The following ADAT1 variants were observed in gnomAD, a reference collection of about 807,000 sequenced individuals.
ADAT1 encodes adenosine deaminase tRNA specific 1.
Under a neutral mutation model 58.6 loss-of-function variants are expected in ADAT1, and 58 were observed. That is an observed-to-expected ratio of 0.99 (90% CI 0.80 to 1.23). The LOEUF (loss-of-function observed/expected upper bound fraction) is 1.23, where lower values mean the gene tolerates loss of function less well. Ranked by LOEUF, ADAT1 falls within the 50% of genes most tolerant of loss-of-function variation. The probability of loss-of-function intolerance (pLI) is 0.00; values close to 1 mark genes in which losing one functional copy is unlikely to be tolerated. For synonymous variants in ADAT1, 254 were observed against 220.8 expected (o/e 1.15, Z -1.33); for missense variants, 741 against 608.6 (o/e 1.22, Z -2.29).
Position 75,620,345 on chromosome 16 carries a change from AAAAC to A in ADAT1, c.170-15_170-12del. On this transcript the variant is annotated splice_polypyrimidine_tract_variant and intron_variant, in intron 2 of 9. Transcript: ENST00000564657. Reference sequence around the variant, plus strand: ...CAACTTCCTTTGTCACTGTGGGAAAAAAACAAATCGTGTGAGTTCTGAGAAACGG... The same window carrying A: ...CAACTTCCTTTGTCACTGTGGGAAAAAAATCGTGTGAGTTCTGAGAAACGG... 1.2e-6 allele frequency: 2 copies of A among 1,613,938 alleles called. No individual in the cohort carries two copies. The highest frequency in any genetic ancestry group is 1.7e-6 in the Non-Finnish European group (2 of 1,179,876).
Position 75,600,309 on chromosome 16 carries a change from A to G in ADAT1, c.1416T>C (p.Ala472=). Residue 472 remains alanine, a synonymous_variant, in exon 10 of 10, where the codon GCT becomes GCC. Coordinates refer to ENST00000564657, the MANE Select transcript of ADAT1 (RefSeq NM_001324445.2). The stretch of plus-strand genomic sequence containing the variant: ...TCCAGGCTTCCTGGTAAGAGGACGC[A>G]GCCTCCTTGTACTCCTGGTAGGTAT... The part of the protein sequence containing the change: ...KLDTYQEYKE[A]ASSYQEAWST... 1 of 1,614,106 alleles carries G rather than the reference A, an allele frequency of 6.2e-7. No individual in the cohort carries two copies. Among genetic ancestry groups the G allele is most frequent in the Non-Finnish European group, 8.5e-7 (1 of 1,180,022 alleles).
chr16:75,612,053 G>A (rs1438035584), intron 6 of ADAT1, among the ~76,000 whole-genome samples, 190 bp downstream of exon 6: 1 of 152,010 alleles, frequency 6.6e-6, no homozygotes, highest in Non-Finnish European at 1.5e-5. Context: ...GCAAGACTCC[G>A]TCTCTAAAAA....
intron 6 of ADAT1, among the ~76,000 whole-genome samples, chr16:75,611,628 C>A (rs2081537262): frequency 6.6e-6 from 1 of 152,020 alleles, no homozygotes; most frequent in Admixed American, 6.6e-5. Context: ...GCAATCCGCC[C>A]CCCTCGACCT....
At chr16:75,611,624 C>T (rs1006674707) in intron 6 of ADAT1, among the ~76,000 whole-genome samples, 3 of 151,992 alleles carry the variant, frequency 2.0e-5, no homozygotes, top group African/African-American at 2.4e-5. Flanking sequence ...TCAAGCAATC[C>T]GCCCCCCTCG....
In ADAT1 at chr16:75,597,412, T is replaced by C; in HGVS notation, c.*2804A>G. On this transcript the variant is annotated 3_prime_UTR_variant, in exon 10 of 10. Transcript: ENST00000564657. ...AAGCTAAGGAGGAAGCATGAAAGAG[T>C]CTTCTTCAGAGCAGCAGTCCCCAAG... 1 of 447,640 alleles carries C rather than the reference T, an allele frequency of 2.2e-6. No individual in the cohort carries two copies. Among genetic ancestry groups the C allele is most frequent in the Non-Finnish European group, 4.5e-6 (1 of 222,756 alleles). 27.7% of individuals were successfully genotyped at this position (447,640 alleles called of 1,614,324 possible). A position where few individuals can be genotyped will look rare whatever the true frequency, so the allele number is the denominator to read the frequency against.
intron 5 of ADAT1, among the ~76,000 whole-genome samples, chr16:75,616,017 T>TC (rs35839479): frequency 9.2e-5 from 14 of 151,510 alleles, no homozygotes; most frequent in Admixed American, 2.0e-4. Context: ...TTTTTTTTTT[T>TC]CCCTTCTTTT....
chr16:75,607,624 G>A (rs1288804678), intron 8 of ADAT1, among the ~76,000 whole-genome samples: 1 of 152,074 alleles, frequency 6.6e-6, no homozygotes. Flanking sequence ...ATACATTGTT[G>A]GTAGAACGTA....
chr16:75,612,311 G>A lies in ADAT1; in HGVS notation c.975C>T (p.Tyr325=). 1 of 1,614,162 alleles carries A rather than the reference G, an allele frequency of 6.2e-7. No individual in the cohort carries two copies. The highest frequency in any genetic ancestry group is 1.1e-5 in the South Asian group (1 of 91,086). The change falls in exon 6 of 10, where the codon TAC becomes TAT. Residue 325 remains tyrosine (Y), a synonymous_variant. Transcript: ENST00000564657. ...ACTTCCCAATGACCACAGCTGACAGGTAGATGGGCTCTTCCAGCAAGTGCA... is the reference window on the plus strand; with the variant it reads ...ACTTCCCAATGACCACAGCTGACAGATAGATGGGCTCTTCCAGCAAGTGCA... ...LLMHLLEEPI[Y]LSAVVIGKCP...
At chr16:75,602,920 C>T (rs1228565347) in intron 9 of ADAT1, among the ~76,000 whole-genome samples, 165 bp downstream of exon 9, 1 of 152,188 alleles carries the variant, frequency 6.6e-6, no homozygotes, top group Non-Finnish European at 1.5e-5. Context: ...TCAGATCATG[C>T]ACGTATCTGC....
intron 8 of ADAT1, among the ~76,000 whole-genome samples, chr16:75,605,075 T>C (rs1277956560): frequency 5.3e-5 from 8 of 152,172 alleles, no homozygotes; most frequent in African/African-American, 1.9e-4. Context: ...GTATTTTCTA[T>C]TCCTTATGAT....
intron 8 of ADAT1, among the ~76,000 whole-genome samples, chr16:75,607,585 G>A (rs1386107936): frequency 2.0e-5 from 3 of 151,914 alleles, no homozygotes; most frequent in Non-Finnish European, 4.4e-5. Flanking sequence ...AACAAGTGTT[G>A]TAAAGGATTC....
rs910427857 is a variant in ADAT1 at position 75,622,419 on chromosome 16, G to C, written c.-38C>G. 1 of 152,122 alleles carries C rather than the reference G, an allele frequency of 6.6e-6. No individual in the cohort carries two copies. Among genetic ancestry groups the C allele is most frequent in the Non-Finnish European group, 1.5e-5 (1 of 68,006 alleles). The allele number at this position is 152,122 out of a possible 1,614,324, so 9.4% of individuals were successfully genotyped here. ...GGGACTCACCTCTCATTTCTAGGGA[G>C]GCATCACAAGGCAGTATAGTTTATG... On this transcript the variant is annotated 5_prime_UTR_variant, in exon 1 of 10. Transcript: ENST00000564657.
At chr16:75,602,535 G>GTA (rs2081259172) in intron 9 of ADAT1, among the ~76,000 whole-genome samples, 1 of 152,154 alleles carries the variant, frequency 6.6e-6, no homozygotes, top group Non-Finnish European at 1.5e-5. Context: ...GGGTGGTTTG[G>GTA]GGCTTTCCTT....
intron 5 of ADAT1, among the ~76,000 whole-genome samples, chr16:75,615,835 T>C (rs2081693627): frequency 6.6e-6 from 1 of 152,152 alleles, no homozygotes. Flanking sequence ...CTTCAGGAGA[T>C]TCATGTGCAT....
intron 5 of ADAT1, among the ~76,000 whole-genome samples, chr16:75,616,386 T>C (rs771475711): frequency 1.6e-4 from 24 of 152,224 alleles, no homozygotes; most frequent in Non-Finnish European, 2.9e-4. Context: ...TTCTTCATAG[T>C]GATTTCTTAT....
chr16:75,597,072 G>A lies in ADAT1; in HGVS notation c.*3144C>T, dbSNP rs1049183763. On this transcript the variant is annotated 3_prime_UTR_variant, in exon 10 of 10. Transcript: ENST00000564657. ...ATTGCCCTGGGGTAGGGGGCGTTGA[G>A]GAACGGGAAGTGACTGCTAATGGGT... The A allele has an allele frequency of 2.6e-4, 41 of 155,018 alleles. No homozygotes were observed. The highest frequency in any genetic ancestry group is 9.8e-4 in the African/African-American group (41 of 41,632). The allele number at this position is 155,018 out of a possible 1,614,324, so 9.6% of individuals were successfully genotyped here. A position where few individuals can be genotyped will look rare whatever the true frequency, so the allele number is the denominator to read the frequency against.
chr16:75,620,185 C>A (rs1007319732), intron 3 of ADAT1, 81 bp downstream of exon 3: 17 of 1,386,358 alleles, frequency 1.2e-5, no homozygotes, highest in Non-Finnish European at 1.5e-5. Context: ...ACTGACATGG[C>A]CCCTCTTCCC....
At chr16:75,603,745 G>A (rs533462236) in intron 8 of ADAT1, among the ~76,000 whole-genome samples, 26 of 152,220 alleles carry the variant, frequency 1.7e-4, no homozygotes, top group Non-Finnish European at 3.4e-4. Flanking sequence ...CCAGACCTTC[G>A]TGGTTGCCTT....
intron 9 of ADAT1, among the ~76,000 whole-genome samples, chr16:75,600,610 G>A (rs563303641): frequency 2.6e-5 from 4 of 152,336 alleles, no homozygotes; most frequent in South Asian, 4.1e-4. Flanking sequence ...AAGCCTGGCT[G>A]CTAAAACTGC....
Sources: gnomAD v4.1 joint callset for allele counts (sites outside exome capture counted in the v4.1 genomes callset) on GRCh38, gnomAD v4.1.1 for gene constraint, MANE v1.5 for transcripts, NCBI Gene and HGNC (gene_info 2026-07-23, HGNC 2026-07-21) for gene names.